LOC128462377: variants seen among roughly 807,000 people sequenced by gnomAD.
At chr16:89,375,381 G>C in the LOC128462377 span, among the ~76,000 whole-genome samples, 1 of 152,220 alleles carries the variant, frequency 6.6e-6, no homozygotes, top group Non-Finnish European at 1.5e-5. Context: ...TTGAGCCCGG[G>C]AGTCCAAGAC....
chr16:89,379,705 C>T, the LOC128462377 span, among the ~76,000 whole-genome samples: 8 of 152,192 alleles, frequency 5.3e-5, no homozygotes, highest in South Asian at 1.0e-3. Context: ...GGAAGAGCTC[C>T]GTGCAGTGCA....
chr16:89,350,371 C>T, the LOC128462377 span, among the ~76,000 whole-genome samples: 1 of 152,186 alleles, frequency 6.6e-6, no homozygotes, highest in Non-Finnish European at 1.5e-5. Flanking sequence ...CATGCAACTA[C>T]TCATATCAGC....
At chr16:89,368,379 T>G in the LOC128462377 span, among the ~76,000 whole-genome samples, 13 of 130,096 alleles carry the variant, frequency 1.0e-4, no homozygotes, top group Admixed American at 3.8e-4. Context: ...GTGTTTTTTT[T>G]TTTTTTTTTT....
chr16:89,405,051 A>G, the LOC128462377 span, among the ~76,000 whole-genome samples: 1 of 151,992 alleles, frequency 6.6e-6, no homozygotes, highest in African/African-American at 2.4e-5. Context: ...ATGGCCCACA[A>G]CACAGCCCGA....
At chr16:89,399,419 C>G in the LOC128462377 span, among the ~76,000 whole-genome samples, 1 of 152,180 alleles carries the variant, frequency 6.6e-6, no homozygotes, top group South Asian at 2.1e-4. Context: ...AAGGACTACA[C>G]GCTGTACGGT....
chr16:89,368,885 A>G, the LOC128462377 span, among the ~76,000 whole-genome samples: 3 of 152,244 alleles, frequency 2.0e-5, no homozygotes, highest in East Asian at 5.8e-4. Flanking sequence ...AGGGGAGGAG[A>G]AAGACTCTGT....
At chr16:89,392,510 A>G in the LOC128462377 span, 1 of 152,036 alleles carries the variant, frequency 6.6e-6, no homozygotes, top group Non-Finnish European at 1.5e-5. Context: ...CTGCCAGTTC[A>G]TGTTTTCCAT....
chr16:89,322,142 T>G, the LOC128462377 span, among the ~76,000 whole-genome samples: 987 of 152,334 alleles, frequency 6.5e-3, 8 homozygotes, highest in Non-Finnish European at 0.011. Context: ...AATTTTCAAC[T>G]GCACAGGAGG....
At chr16:89,386,521 G>A in the LOC128462377 span, among the ~76,000 whole-genome samples, 2 of 152,180 alleles carry the variant, frequency 1.3e-5, no homozygotes, top group African/African-American at 2.4e-5. Flanking sequence ...GGGGGAAAGG[G>A]GGCTCTTCTC....
At chr16:89,357,635 G>C in the LOC128462377 span, among the ~76,000 whole-genome samples, 6 of 152,190 alleles carry the variant, frequency 3.9e-5, 1 homozygote, top group African/African-American at 1.4e-4. Context: ...GCGGATGACA[G>C]AGAAGCAGAA....
the LOC128462377 span, among the ~76,000 whole-genome samples, chr16:89,414,783 A>G: frequency 6.6e-6 from 1 of 152,284 alleles, no homozygotes; most frequent in Admixed American, 6.5e-5. Context: ...CAAGCTGGGC[A>G]CCTAAGTCAC....
At chr16:89,349,249 C>T in the LOC128462377 span, among the ~76,000 whole-genome samples, 5 of 149,566 alleles carry the variant, frequency 3.3e-5, no homozygotes, top group African/African-American at 1.2e-4. Context: ...CAAAAACAGG[C>T]CAGGCGCAGT....
chr16:89,363,621 A>C, the LOC128462377 span, among the ~76,000 whole-genome samples: 1 of 152,070 alleles, frequency 6.6e-6, no homozygotes, highest in Non-Finnish European at 1.5e-5. Flanking sequence ...ATTCAAACGC[A>C]CTCTGTGTGC....
chr16:89,323,939 G>A, the LOC128462377 span: 10 of 216,316 alleles, frequency 4.6e-5, no homozygotes, highest in Admixed American at 3.9e-4. Flanking sequence ...TCTTTGCTAC[G>A]GTTTGAATGT....
the LOC128462377 span, among the ~76,000 whole-genome samples, chr16:89,361,308 C>T: frequency 6.6e-6 from 1 of 152,222 alleles, no homozygotes; most frequent in Non-Finnish European, 1.5e-5. Context: ...TCAGCACACA[C>T]AGAACCATCA....
At chr16:89,371,336 C>T in the LOC128462377 span, among the ~76,000 whole-genome samples, 1 of 152,246 alleles carries the variant, frequency 6.6e-6, no homozygotes, top group Non-Finnish European at 1.5e-5. Context: ...AGATGACAGA[C>T]AAGCACCGCC....
chr16:89,416,866 A>G, the LOC128462377 span, among the ~76,000 whole-genome samples: 1 of 152,034 alleles, frequency 6.6e-6, no homozygotes, highest in Non-Finnish European at 1.5e-5. Context: ...GGCACAGCTC[A>G]GACCCTGGGG....
At chr16:89,368,600 G>A in the LOC128462377 span, among the ~76,000 whole-genome samples, 5 of 145,484 alleles carry the variant, frequency 3.4e-5, no homozygotes, top group South Asian at 2.2e-4. Flanking sequence ...ATAAAAACAC[G>A]CAGCTCTTAA....
At chr16:89,350,375 T>C in the LOC128462377 span, among the ~76,000 whole-genome samples, 2,473 of 152,226 alleles carry the variant, frequency 0.016, 35 homozygotes, top group Middle Eastern at 0.034. Flanking sequence ...CAACTACTCA[T>C]ATCAGCTTGA....
Sources: allele counts gnomAD v4.1 joint callset (sites outside exome capture counted in the v4.1 genomes callset), GRCh38; gene constraint gnomAD v4.1.1; transcripts MANE v1.5.